NXPH1: variants seen among roughly 807,000 people sequenced by gnomAD.
The protein encoded by NXPH1 is neurexophilin 1, also known as neurexophilin-1.
A neutral mutation model predicts 23.7 loss-of-function variants in NXPH1; 5 were observed. That is an observed-to-expected ratio of 0.21 (90% CI 0.11 to 0.44). NXPH1 has a LOEUF of 0.44. Among genes scored for constraint, NXPH1 ranks in the 20% least tolerant of loss-of-function variants. The pLI, the probability that NXPH1 is intolerant of heterozygous loss-of-function variation, is 0.99. For synonymous variants in NXPH1, 144 were observed against 122.2 expected (o/e 1.18, Z -1.18); for missense variants, 324 against 321.6 (o/e 1.01, Z -0.06).
rs548496319 is a variant in NXPH1 at position 8,680,398 on chromosome 7, G to A, written c.55-70610G>A. Reference sequence around the variant, plus strand: ...TAATCAGTGCAGGTAAAGTTAAAAAGATATGCAGTCTGTTCTTCCAAGCCA... The same window carrying A: ...TAATCAGTGCAGGTAAAGTTAAAAAAATATGCAGTCTGTTCTTCCAAGCCA... On this transcript the variant is annotated intron_variant, in intron 2 of 2. Coordinates refer to ENST00000405863, the MANE Select transcript of NXPH1 (RefSeq NM_152745.3). 3.3e-5 allele frequency among the ~76,000 whole-genome samples: 5 copies of A among 152,274 alleles called. No individual in the cohort carries two copies. In the East Asian group the frequency reaches 7.7e-4, roughly 24 times the overall value.
chr7:8,714,358 G>A (rs1779844278), intron 2 of NXPH1, among the ~76,000 whole-genome samples: 1 of 151,924 alleles, frequency 6.6e-6, no homozygotes, highest in Admixed American at 6.6e-5. Context: ...CTCTGGCCCA[G>A]GATAGGTCCA....
chr7:8,726,524 C>T (rs1236396263), intron 2 of NXPH1, among the ~76,000 whole-genome samples: 4 of 139,204 alleles, frequency 2.9e-5, no homozygotes, highest in Admixed American at 7.5e-5. Context: ...TGTGATGTTC[C>T]CCTTCCTGTG....
intron 2 of NXPH1, among the ~76,000 whole-genome samples, chr7:8,646,913 G>A (rs1170279440): frequency 6.6e-6 from 1 of 151,832 alleles, no homozygotes. Context: ...ATGATGGGTA[G>A]GAACTGGGCA....
intron 2 of NXPH1, among the ~76,000 whole-genome samples, chr7:8,575,592 G>C (rs747105937): frequency 2.0e-5 from 3 of 152,086 alleles, no homozygotes; most frequent in Non-Finnish European, 4.4e-5. Flanking sequence ...AAGAACATAA[G>C]TTCTGTAAGC....
chr7:8,491,682 A>G (rs1817250667), intron 2 of NXPH1, among the ~76,000 whole-genome samples: 1 of 152,062 alleles, frequency 6.6e-6, no homozygotes. Context: ...AATCCTGCTG[A>G]TAGGTACCAC....
At chr7:8,557,539 G>A (rs1196145732) in intron 2 of NXPH1, among the ~76,000 whole-genome samples, 1 of 151,644 alleles carries the variant, frequency 6.6e-6, no homozygotes, top group East Asian at 2.0e-4. Flanking sequence ...TTGGTTTGTA[G>A]ACTAGAGCTA....
At chr7:8,675,555 A>C (rs760954618) in intron 2 of NXPH1, among the ~76,000 whole-genome samples, 1 of 152,148 alleles carries the variant, frequency 6.6e-6, no homozygotes, top group Non-Finnish European at 1.5e-5. Flanking sequence ...AGGTACTGAG[A>C]CTGCAGAAAC....
chr7:8,672,978 C>G (rs1424705773), intron 2 of NXPH1, among the ~76,000 whole-genome samples: 1 of 152,114 alleles, frequency 6.6e-6, no homozygotes, highest in African/African-American at 2.4e-5. Context: ...TACTTACCAT[C>G]AAGATTGCTT....
At chr7:8,449,243 T>C (rs956519691) in intron 2 of NXPH1, among the ~76,000 whole-genome samples, 1 of 152,222 alleles carries the variant, frequency 6.6e-6, no homozygotes, top group Admixed American at 6.5e-5. Flanking sequence ...ATCCCTCTCA[T>C]ATGCTGCTAA....
intron 2 of NXPH1, among the ~76,000 whole-genome samples, chr7:8,725,592 A>AT (rs1286772163): frequency 6.6e-6 from 1 of 152,056 alleles, no homozygotes; most frequent in African/African-American, 2.4e-5. Context: ...AAAAATATTT[A>AT]TTTACTTAAT....
At chr7:8,637,225 CTT>C (rs532810877) in intron 2 of NXPH1, among the ~76,000 whole-genome samples, 14 of 142,854 alleles carry the variant, frequency 9.8e-5, no homozygotes, top group African/African-American at 1.0e-4. Flanking sequence ...GGGACTGACT[CTT>C]TTTTTTTTTT....
intron 2 of NXPH1, among the ~76,000 whole-genome samples, chr7:8,548,335 G>A (rs1038824622): frequency 6.6e-6 from 1 of 151,508 alleles, no homozygotes; most frequent in African/African-American, 2.4e-5. Flanking sequence ...AGACCAATCT[G>A]CATGGCGACA....
intron 2 of NXPH1, among the ~76,000 whole-genome samples, chr7:8,632,155 A>C (rs1025006477): frequency 2.0e-5 from 3 of 152,116 alleles, no homozygotes; most frequent in Non-Finnish European, 1.5e-5. Context: ...TTTTCTCTCC[A>C]GGGGCTGAGT....
intron 2 of NXPH1, among the ~76,000 whole-genome samples, chr7:8,484,261 G>A (rs1329215063): frequency 6.6e-6 from 1 of 151,910 alleles, no homozygotes; most frequent in Admixed American, 6.6e-5. Context: ...CATATTTTGG[G>A]CCTTACATAT....
At chr7:8,683,769 TA>T (rs1821096638) in intron 2 of NXPH1, among the ~76,000 whole-genome samples, 1 of 152,184 alleles carries the variant, frequency 6.6e-6, no homozygotes, top group South Asian at 2.1e-4. Flanking sequence ...TTAACAAATA[TA>T]TATTGACACA....
Position 8,751,355 on chromosome 7 carries a change from C to A in NXPH1, c.402C>A (p.Asn134Lys), listed in dbSNP as rs746045228. 6.2e-7 allele frequency: 1 copy of A among 1,613,834 alleles called. No homozygotes were observed. Among genetic ancestry groups the A allele is most frequent in the Admixed American group, 1.7e-5 (1 of 59,960 alleles). Reference protein sequence around the residue: ...FHSNIKTVKLNLLITGKIVDH... With the variant: ...FHSNIKTVKLKLLITGKIVDH... ...CCAACATCAAAACAGTGAAGCTGAA[C>A]CTGTTGATAACTGGGAAAATTGTAG... The change falls in exon 3 of 3, where the codon AAC becomes AAA. Residue 134 changes from asparagine to lysine, a missense_variant. Coordinates refer to ENST00000405863, the MANE Select transcript of NXPH1 (RefSeq NM_152745.3). The surrounding 1 kb of genome is among the most constrained non-coding windows in gnomAD (Gnocchi z 4.5).
intron 2 of NXPH1, among the ~76,000 whole-genome samples, chr7:8,599,091 C>T (rs537423275): frequency 2.6e-5 from 4 of 152,176 alleles, no homozygotes; most frequent in African/African-American, 9.6e-5. Flanking sequence ...GACATGCAAA[C>T]AGTTAACTCA....
At chr7:8,514,293 C>G (rs1817656064) in intron 2 of NXPH1, among the ~76,000 whole-genome samples, 1 of 152,080 alleles carries the variant, frequency 6.6e-6, no homozygotes, top group African/African-American at 2.4e-5. Context: ...CCTTCATAGA[C>G]TCTCTCTCTC....
chr7:8,692,957 G>A (rs6971685), intron 2 of NXPH1, among the ~76,000 whole-genome samples: 1 of 151,858 alleles, frequency 6.6e-6, no homozygotes, highest in Non-Finnish European at 1.5e-5. Flanking sequence ...ACAGAAGCCC[G>A]TTACAAGTAA....
Sources: allele counts gnomAD v4.1 joint callset (sites outside exome capture counted in the v4.1 genomes callset), GRCh38; gene constraint gnomAD v4.1.1; non-coding constraint Gnocchi (gnomAD v3.1); transcripts MANE v1.5; gene names NCBI Gene and HGNC (gene_info 2026-07-23, HGNC 2026-07-21).